TSHR: variants seen among roughly 807,000 people sequenced by gnomAD.
TSHR encodes the protein thyroid stimulating hormone receptor.
A neutral mutation model predicts 64.1 loss-of-function variants in TSHR; 51 were observed. The observed-to-expected ratio is 0.80, with a 90% CI of 0.64 to 1.01. The LOEUF (loss-of-function observed/expected upper bound fraction) is 1.01, where lower values mean the gene tolerates loss of function less well. TSHR is among the 50% of genes least tolerant of loss of function. The probability of loss-of-function intolerance (pLI) is 0.00; values close to 1 mark genes in which losing one functional copy is unlikely to be tolerated. For synonymous variants in TSHR, 361 were observed against 361.9 expected (o/e 1.00, Z 0.03); for missense variants, 877 against 942.8 (o/e 0.93, Z 0.91).
At chr14:81,047,724 C>T (rs1048720618) in intron 1 of TSHR, among the ~76,000 whole-genome samples, 7 of 148,704 alleles carry the variant, frequency 4.7e-5, no homozygotes, top group African/African-American at 9.9e-5. Context: ...TGCAGTGGCA[C>T]GATCTCAGCT....
rs1487138029 is a variant in TSHR, at chr14:81,096,533, C to T, written c.546-106C>T. On this transcript the variant is annotated intron_variant, in intron 6 of 9. Coordinates refer to ENST00000298171, the MANE Select transcript of TSHR (RefSeq NM_000369.5). ...GATACATATGTGGGACCTGAAAAAC[C>T]TTTATGTACATTTATGACACTGAAG... 4.3e-5 allele frequency: 50 copies of T among 1,162,730 alleles called. No homozygotes were observed. In the East Asian group the frequency reaches 1.2e-3, roughly 29 times the overall value. 72.0% of individuals were successfully genotyped at this position (1,162,730 alleles called of 1,614,324 possible).
At chr14:81,105,983 C>T (rs1416236303) in intron 7 of TSHR, among the ~76,000 whole-genome samples, 1 of 151,806 alleles carries the variant, frequency 6.6e-6, no homozygotes, top group East Asian at 1.9e-4. Flanking sequence ...TGGATTTTGC[C>T]CACTCTGGGT....
rs188989627 is a variant in TSHR, at chr14:81,144,002, T to C, written c.1944T>C (p.Ile648=). 7 of 1,614,182 alleles carry C rather than the reference T, an allele frequency of 4.3e-6. No individual in the cohort carries two copies. Among genetic ancestry groups the C allele is most frequent in the Admixed American group, 1.7e-5 (1 of 60,020 alleles). ...APISFYALSA[I]LNKPLITVSN... ...TCTCATTCTATGCTCTGTCAGCAAT[T>C]CTGAACAAGCCTCTCATCACTGTTA... Residue 648 remains isoleucine, a synonymous_variant, in exon 10 of 10, where the codon ATT becomes ATC. Coordinates refer to ENST00000298171, the MANE Select transcript of TSHR (RefSeq NM_000369.5).
At chr14:81,078,526 G>A (rs867463925) in intron 3 of TSHR, among the ~76,000 whole-genome samples, 17 of 152,162 alleles carry the variant, frequency 1.1e-4, no homozygotes, top group East Asian at 9.6e-4. Flanking sequence ...AAGGTTTGCC[G>A]AACTTCGTGG....
Position 81,062,084 on chromosome 14 carries a change from T to C in TSHR, c.171-64T>C. On this transcript the variant is annotated intron_variant, in intron 1 of 9. Transcript: ENST00000298171. Reference sequence around the variant, plus strand: ...CTTTTTAATTATGTGTTTTTATAATTAAGGTGAATTATTAGAAAAGCCCAA... The same window carrying C: ...CTTTTTAATTATGTGTTTTTATAATCAAGGTGAATTATTAGAAAAGCCCAA... 2.2e-6 allele frequency: 3 copies of C among 1,365,488 alleles called. No individual in the cohort carries two copies. The South Asian group carries it at 3.7e-5, about 17-fold the overall frequency. 84.6% of individuals were successfully genotyped at this position (1,365,488 alleles called of 1,614,324 possible).
At chr14:81,008,994 C>T (rs898538602) in intron 1 of TSHR, among the ~76,000 whole-genome samples, 4 of 152,312 alleles carry the variant, frequency 2.6e-5, no homozygotes, top group East Asian at 1.9e-4. Context: ...TTTAAACCCA[C>T]ATTAAACTTG....
chr14:80,965,665 TG>T (rs907752517), intron 1 of TSHR, among the ~76,000 whole-genome samples: 26 of 152,368 alleles, frequency 1.7e-4, no homozygotes, highest in African/African-American at 6.3e-4. Context: ...ATGAGCAAAA[TG>T]GTCCCATTTG....
rs184775966 is a variant in TSHR, at chr14:80,990,027, A to T, written c.170+34177A>T. Among the ~76,000 whole-genome samples, 403 of 152,360 alleles carry T rather than the reference A, an allele frequency of 2.6e-3. 3 individuals carry two copies. The highest frequency in any genetic ancestry group is 9.2e-3 in the African/African-American group (383 of 41,574). ...AAATTTTATTCAGCTTTAATTCCTT[A>T]TAATATCCAATATAGCACCTTTCAT... On this transcript the variant is annotated intron_variant, in intron 1 of 9. Transcript: ENST00000298171.
chr14:81,010,997 G>C (rs960806568), intron 1 of TSHR, among the ~76,000 whole-genome samples: 2 of 152,092 alleles, frequency 1.3e-5, no homozygotes, highest in African/African-American at 4.8e-5. Context: ...ATAGCTACCA[G>C]AAAAACTTCT....
intron 1 of TSHR, among the ~76,000 whole-genome samples, chr14:80,996,131 T>A (rs962893396): frequency 4.6e-5 from 7 of 152,190 alleles, no homozygotes; most frequent in African/African-American, 1.7e-4. Flanking sequence ...ATAATTATAA[T>A]ACATTTTACA....
intron 1 of TSHR, among the ~76,000 whole-genome samples, chr14:81,036,455 G>T (rs1016419142): frequency 1.3e-5 from 2 of 152,128 alleles, no homozygotes; most frequent in African/African-American, 4.8e-5. Context: ...AAGAGGTGAG[G>T]TGGGGGTGCG....
chr14:81,033,295 T>C (rs1419565201), intron 1 of TSHR: 5 of 444,746 alleles, frequency 1.1e-5, no homozygotes, highest in Non-Finnish European at 1.8e-5. Context: ...GCATAATTTG[T>C]ACAGCTCCAA....
chr14:81,099,127 C>A (rs767968522), intron 7 of TSHR, among the ~76,000 whole-genome samples: 1 of 152,174 alleles, frequency 6.6e-6, no homozygotes, highest in Non-Finnish European at 1.5e-5. Flanking sequence ...GTAGCAGGAT[C>A]ATGGGGATTT....
Position 80,991,170 on chromosome 14 carries a change from CAA to C in TSHR, c.170+35321_170+35322del, listed in dbSNP as rs373104655. 4.2e-4 allele frequency among the ~76,000 whole-genome samples: 64 copies of C among 152,292 alleles called. 2 individuals carry two copies. Among genetic ancestry groups the C allele is most frequent in the African/African-American group, 1.4e-3 (59 of 41,550 alleles). On this transcript the variant is annotated intron_variant, in intron 1 of 9. Transcript: ENST00000298171. The stretch of plus-strand genomic sequence containing the variant: ...TATAAACTCTTCTAATTAAATTACT[CAA>C]GATAGTGCAAAAGAATCCATGACTC...
chr14:81,104,910 C>T, intron 7 of TSHR: 1 of 985,384 alleles, frequency 1.0e-6, no homozygotes, highest in Non-Finnish European at 1.2e-6. Context: ...GAGATGTAGC[C>T]ATGTCTATCT....
At chr14:81,008,383 A>G (rs761686466) in intron 1 of TSHR, among the ~76,000 whole-genome samples, 8 of 152,078 alleles carry the variant, frequency 5.3e-5, no homozygotes, top group Non-Finnish European at 8.8e-5. Context: ...CTTGTTAGCC[A>G]GGATGGTCTC....
chr14:81,062,720 C>T (rs1478520085), intron 2 of TSHR, among the ~76,000 whole-genome samples: 4 of 152,122 alleles, frequency 2.6e-5, no homozygotes, highest in African/African-American at 9.7e-5. Flanking sequence ...AATTGAATTG[C>T]TATCCACTTA....
chr14:81,001,206 ATC>A, intron 1 of TSHR: 1 of 167,990 alleles, frequency 6.0e-6, no homozygotes, highest in Non-Finnish European at 1.3e-5. Context: ...CTTTTGAGAT[ATC>A]TTTTTTTTCC....
At chr14:81,142,619 T>G (rs997016995) in intron 9 of TSHR, among the ~76,000 whole-genome samples, 6 of 150,168 alleles carry the variant, frequency 4.0e-5, no homozygotes, top group Admixed American at 1.3e-4. Context: ...TTTTTTTTTT[T>G]TTTTTTTGAG....
Sources: allele counts gnomAD v4.1 joint callset (sites outside exome capture counted in the v4.1 genomes callset), GRCh38; gene constraint gnomAD v4.1.1; transcripts MANE v1.5; gene names NCBI Gene and HGNC (gene_info 2026-07-23, HGNC 2026-07-21).